FOXN3: variants seen among roughly 807,000 people sequenced by gnomAD.
FOXN3 encodes the protein forkhead box N3, also known as forkhead box protein N3.
Under a neutral mutation model 38.4 loss-of-function variants are expected in FOXN3, and 7 were observed. The observed-to-expected ratio is 0.18, with a 90% CI of 0.10 to 0.34. The LOEUF is 0.34. Ranked by LOEUF, FOXN3 falls within the 10% of genes least tolerant of loss-of-function variation. The pLI is 1.00. For missense variants in FOXN3, 456 were observed against 613.4 expected, an observed-to-expected ratio of 0.74 and a Z score of 2.71; for synonymous variants, 230 against 242.2, an observed-to-expected ratio of 0.95 and a Z score of 0.47.
intron 4 of FOXN3, among the ~76,000 whole-genome samples, chr14:89,268,161 C>CATCTGTAAGATCAGGAAG (rs1886041302): frequency 6.6e-6 from 1 of 152,182 alleles, no homozygotes. Context: ...TCTGTTTCTT[C>CATCTGTAAGATCAGGAAG]ATCTGTAAGA....
chr14:89,598,636 G>A (rs1443714424), intron 1 of FOXN3, among the ~76,000 whole-genome samples: 1 of 152,084 alleles, frequency 6.6e-6, no homozygotes, highest in Non-Finnish European at 1.5e-5. Context: ...GAAAAATCTG[G>A]TAGATAGAAT....
At chr14:89,459,282 T>C (rs946064366) in intron 1 of FOXN3, among the ~76,000 whole-genome samples, 3 of 152,214 alleles carry the variant, frequency 2.0e-5, no homozygotes, top group African/African-American at 7.2e-5. Context: ...TGGGAAACCT[T>C]TGGAAGGAAA....
chr14:89,569,120 G>C (rs1895434880), intron 1 of FOXN3, among the ~76,000 whole-genome samples: 3 of 152,310 alleles, frequency 2.0e-5, no homozygotes, highest in South Asian at 2.1e-4. Context: ...CAGGAGAATG[G>C]CGTGAACCTG....
chr14:89,395,331 A>C (rs921763774), intron 2 of FOXN3, among the ~76,000 whole-genome samples: 76 of 152,214 alleles, frequency 5.0e-4, no homozygotes, highest in African/African-American at 1.5e-3. Flanking sequence ...GAGAAGGTTT[A>C]CTGAATTGAA....
At chr14:89,422,012 A>C (rs1392734365), upstream of FOXN3, among the ~76,000 whole-genome samples, 1 of 152,068 alleles carries the variant, frequency 6.6e-6, no homozygotes, top group Admixed American at 6.6e-5. Flanking sequence ...CCAAGTAGCC[A>C]GGACTACAGG....
At chr14:89,231,314 C>T (rs1884801228) in intron 4 of FOXN3, among the ~76,000 whole-genome samples, 1 of 152,062 alleles carries the variant, frequency 6.6e-6, no homozygotes. Flanking sequence ...TTAGAACTTG[C>T]TTTGTAGGAA....
intron 2 of FOXN3, among the ~76,000 whole-genome samples, chr14:89,368,039 G>A (rs971662115): frequency 4.6e-5 from 7 of 152,208 alleles, no homozygotes; most frequent in African/African-American, 1.2e-4. Context: ...CTATCAAAAC[G>A]AATCCCAGGC....
At chr14:89,434,403 T>C (rs1260998898) in intron 1 of FOXN3, among the ~76,000 whole-genome samples, 7 of 151,964 alleles carry the variant, frequency 4.6e-5, no homozygotes, top group Admixed American at 3.9e-4. Context: ...AATTTTTTTG[T>C]ATTTTTAGTA....
intron 3 of FOXN3, among the ~76,000 whole-genome samples, chr14:89,316,602 C>G (rs1266417707): frequency 1.3e-5 from 2 of 151,760 alleles, no homozygotes; most frequent in African/African-American, 4.8e-5. Context: ...CTCAAGTGAT[C>G]CTCTCACCTC....
In FOXN3 at chr14:89,455,781, T is replaced by C. The variant is rs76976767; in HGVS notation, c.-14-43291A>G. 2.7e-4 allele frequency among the ~76,000 whole-genome samples: 41 copies of C among 152,298 alleles called. No homozygotes were observed. The East Asian group carries it at 5.4e-3, about 20-fold the overall frequency. On this transcript the variant is annotated intron_variant, in intron 1 of 6. Transcript: ENST00000345097. ...GTCAGTTTTAAAACTGCAAATTGCCTAACTCCGAAATGGCCCATTCTAGAT... is the reference window on the plus strand; with the variant it reads ...GTCAGTTTTAAAACTGCAAATTGCCCAACTCCGAAATGGCCCATTCTAGAT...
rs779231926 is a variant in FOXN3, at chr14:89,336,152, ACACACACACACACACAC to A, written c.680+14503_680+14519del. ...AAGTGATCCTTACACACACACACACACACACACACACACACACACATTCATAATCCTTAGTCACCCCT... is the reference window on the plus strand; with the variant it reads ...AAGTGATCCTTACACACACACACACAACATTCATAATCCTTAGTCACCCCT... On this transcript the variant is annotated intron_variant, in intron 3 of 5. Coordinates refer to ENST00000557258, the MANE Select transcript of FOXN3 (RefSeq NM_005197.4). 2.0e-3 allele frequency among the ~76,000 whole-genome samples: 280 copies of A among 138,264 alleles called. 1 individual carries two copies. The highest frequency in any genetic ancestry group is 2.9e-3 in the Non-Finnish European group (189 of 64,458). The allele number at this position is 138,264 out of a possible 152,430, so 90.7% of individuals were successfully genotyped here.
chr14:89,381,145 CAAAA>C (rs71130067), intron 2 of FOXN3, among the ~76,000 whole-genome samples: 422 of 64,178 alleles, frequency 6.6e-3, no homozygotes, highest in African/African-American at 0.019. Context: ...CCCTCCGTCT[CAAAA>C]AAAAAAAAAA....
chr14:89,249,427 A>C (rs188382710), intron 4 of FOXN3, among the ~76,000 whole-genome samples: 1 of 152,332 alleles, frequency 6.6e-6, no homozygotes, highest in African/African-American at 2.4e-5. Context: ...TACAAGCATC[A>C]CAGCCTTTGA....
intron 2 of FOXN3, among the ~76,000 whole-genome samples, chr14:89,365,348 C>T (rs1890107679): frequency 6.6e-6 from 1 of 152,194 alleles, no homozygotes; most frequent in Non-Finnish European, 1.5e-5. Context: ...CAGTCAAGAG[C>T]TAGCACGCTA....
intron 1 of FOXN3, among the ~76,000 whole-genome samples, chr14:89,611,952 T>C (rs983085725): frequency 6.6e-6 from 1 of 152,168 alleles, no homozygotes; most frequent in Admixed American, 6.6e-5. Context: ...CAACCCATCC[T>C]GCTTTTTCTT....
At chr14:89,188,973 A>G (rs375025475) in intron 4 of FOXN3, among the ~76,000 whole-genome samples, 2 of 152,234 alleles carry the variant, frequency 1.3e-5, no homozygotes, top group African/African-American at 4.8e-5. Flanking sequence ...TGGTGTTTGC[A>G]TGTCAGAGGT....
intron 1 of FOXN3, among the ~76,000 whole-genome samples, chr14:89,515,981 C>G (rs1047514153): frequency 6.6e-6 from 1 of 152,114 alleles, no homozygotes; most frequent in Non-Finnish European, 1.5e-5. Context: ...GGGCTTTGGT[C>G]AAAAGCTACA....
At chr14:89,490,906 A>G (rs1254950333) in intron 1 of FOXN3, among the ~76,000 whole-genome samples, 1 of 152,250 alleles carries the variant, frequency 6.6e-6, no homozygotes. Context: ...CGAATCCTAC[A>G]AAAGTACATA....
chr14:89,577,944 G>A (rs2139905593), intron 1 of FOXN3, among the ~76,000 whole-genome samples: 1 of 152,272 alleles, frequency 6.6e-6, no homozygotes, highest in African/African-American at 2.4e-5. Context: ...AGGTTACTCA[G>A]GCAAATTAAA....
Sources: gnomAD v4.1 joint callset for allele counts (sites outside exome capture counted in the v4.1 genomes callset) on GRCh38, gnomAD v4.1.1 for gene constraint, MANE v1.5 for transcripts, NCBI Gene and HGNC (gene_info 2026-07-23, HGNC 2026-07-21) for gene names.